FAM168B: variants seen among roughly 807,000 people sequenced by gnomAD.
The protein encoded by FAM168B is myelin-associated neurite-outgrowth inhibitor.
FAM168B carries 19 observed loss-of-function variants against 21.8 expected under a neutral mutation model. The ratio of observed to expected loss-of-function variants is 0.87; its 90% CI spans 0.61 to 1.28. The LOEUF is 1.28. Among genes scored for constraint, FAM168B ranks in the 50% most tolerant of loss-of-function variants. FAM168B has a pLI of 0.00. For missense variants in FAM168B, 233 were observed against 263.1 expected, an observed-to-expected ratio of 0.89 and a Z score of 0.79; for synonymous variants, 126 against 104.8, an observed-to-expected ratio of 1.20 and a Z score of -1.24.
At chr2:131,054,578 G>T (rs1691899563) in intron 5 of FAM168B, among the ~76,000 whole-genome samples, 1 of 152,190 alleles carries the variant, frequency 6.6e-6, no homozygotes, top group East Asian at 1.9e-4. Context: ...AAACAAGGAG[G>T]GAACAGTACG....
intron 3 of FAM168B, among the ~76,000 whole-genome samples, chr2:131,065,026 C>T (rs1040380441): frequency 6.6e-6 from 1 of 152,120 alleles, no homozygotes; most frequent in African/African-American, 2.4e-5. Flanking sequence ...ACAGGATCGC[C>T]GCACAGAAGA....
chr2:131,091,175 C>G (rs893669283), intron 1 of FAM168B, among the ~76,000 whole-genome samples: 1 of 152,064 alleles, frequency 6.6e-6, no homozygotes, highest in Non-Finnish European at 1.5e-5. Flanking sequence ...CCCATCTCTA[C>G]TAAAAACACA....
At chr2:131,086,673 C>T (rs1409484060) in intron 1 of FAM168B, among the ~76,000 whole-genome samples, 2 of 152,136 alleles carry the variant, frequency 1.3e-5, no homozygotes, top group African/African-American at 2.4e-5. Flanking sequence ...TTCAACAGTC[C>T]TATGTAGGTG....
intron 1 of FAM168B, among the ~76,000 whole-genome samples, chr2:131,087,972 G>C (rs1693800478): frequency 6.6e-6 from 1 of 152,160 alleles, no homozygotes; most frequent in Non-Finnish European, 1.5e-5. Flanking sequence ...TTGGCTGGTT[G>C]CAGTGGCTCA....
chr2:131,064,090 C>T (rs1466253908), intron 3 of FAM168B, among the ~76,000 whole-genome samples: 5 of 152,138 alleles, frequency 3.3e-5, no homozygotes, highest in Non-Finnish European at 7.3e-5. Flanking sequence ...ACCCAGGCGG[C>T]GCAGACAACA....
In FAM168B at chr2:131,071,398, T is replaced by A. The variant is rs568761257; in HGVS notation, c.154+457A>T. Among the ~76,000 whole-genome samples, 5 of 152,316 alleles carry A rather than the reference T, an allele frequency of 3.3e-5. No homozygotes were observed. The East Asian group carries it at 9.6e-4, about 29-fold the overall frequency. On this transcript the variant is annotated intron_variant, in intron 3 of 6. Transcript: ENST00000389915. ...CCTCAAGATTCAGACCCAAACCAAT[T>A]CCACTTTTAATATTAACAGTGATTT...
intron 3 of FAM168B, among the ~76,000 whole-genome samples, chr2:131,065,128 C>G (rs1354475631): frequency 1.3e-5 from 2 of 152,122 alleles, no homozygotes; most frequent in Non-Finnish European, 2.9e-5. Context: ...AGCAGTGCCA[C>G]TTTACAAAAA....
chr2:131,049,627 G>T lies in FAM168B; in HGVS notation c.*2838C>A, dbSNP rs1345194763. On this transcript the variant is annotated 3_prime_UTR_variant, in exon 7 of 7. Coordinates refer to ENST00000389915, the MANE Select transcript of FAM168B (RefSeq NM_001009993.4). ...TGAACACACTCCCCAAGCCTCAGGGGAGAAGGTGTAGAACAAATATTTTTT... is the reference window on the plus strand; with the variant it reads ...TGAACACACTCCCCAAGCCTCAGGGTAGAAGGTGTAGAACAAATATTTTTT... 1 of 985,482 alleles carries T rather than the reference G, an allele frequency of 1.0e-6. No homozygotes were observed. The highest frequency in any genetic ancestry group is 1.7e-5 in the African/African-American group (1 of 57,234). The allele number at this position is 985,482 out of a possible 1,614,324, so 61.0% of individuals were successfully genotyped here. A position where few individuals can be genotyped will look rare whatever the true frequency, so the allele number is the denominator to read the frequency against.
At chr2:131,082,364 G>A (rs928677730) in intron 2 of FAM168B, among the ~76,000 whole-genome samples, 1 of 152,188 alleles carries the variant, frequency 6.6e-6, no homozygotes, top group African/African-American at 2.4e-5. Flanking sequence ...AGACCAGGAG[G>A]TAGAGAAACT....
At chr2:131,082,083 C>T (rs1430678149) in intron 2 of FAM168B, among the ~76,000 whole-genome samples, 2 of 152,188 alleles carry the variant, frequency 1.3e-5, no homozygotes, top group Non-Finnish European at 2.9e-5. Flanking sequence ...CCATATTTGA[C>T]TAGCTGACTC....
chr2:131,054,605 A>C (rs1341605486), intron 5 of FAM168B, among the ~76,000 whole-genome samples: 4 of 152,214 alleles, frequency 2.6e-5, no homozygotes, highest in Non-Finnish European at 5.9e-5. Context: ...TGTGGGCATG[A>C]CCTAAAGGTG....
chr2:131,069,398 G>T (rs1692740180), intron 3 of FAM168B, among the ~76,000 whole-genome samples: 1 of 152,058 alleles, frequency 6.6e-6, no homozygotes, highest in Non-Finnish European at 1.5e-5. Flanking sequence ...AACTGCAAAT[G>T]GGTCACAGAC....
At position 131,092,896 on chromosome 2, in the gene FAM168B, C is replaced by A. The variant is rs1490008211; in HGVS notation, c.-12+318G>T. 2.0e-5 allele frequency among the ~76,000 whole-genome samples: 3 copies of A among 152,254 alleles called. No homozygotes were observed. The East Asian group carries it at 5.8e-4, about 29-fold the overall frequency. ...AAATGACTATTGTCACAAAGCTCTGCCCCCGGGTTTCACGCTCGCATTCCT... is the reference window on the plus strand; with the variant it reads ...AAATGACTATTGTCACAAAGCTCTGACCCCGGGTTTCACGCTCGCATTCCT... On this transcript the variant is annotated intron_variant, in intron 1 of 6. Coordinates refer to ENST00000389915, the MANE Select transcript of FAM168B (RefSeq NM_001009993.4).
intron 1 of FAM168B, among the ~76,000 whole-genome samples, chr2:131,083,361 A>C (rs968658873): frequency 6.6e-6 from 1 of 152,150 alleles, no homozygotes; most frequent in Middle Eastern, 3.4e-3. Flanking sequence ...TCAAAAAAAC[A>C]AAACAAAACA....
chr2:131,086,556 C>T (rs1693708912), intron 1 of FAM168B, among the ~76,000 whole-genome samples: 1 of 152,244 alleles, frequency 6.6e-6, no homozygotes, highest in South Asian at 2.1e-4. Context: ...TGATCGTTAT[C>T]ACTGCAGTCC....
At chr2:131,072,333 A>C (rs1692915733) in intron 2 of FAM168B, among the ~76,000 whole-genome samples, 1 of 152,088 alleles carries the variant, frequency 6.6e-6, no homozygotes, top group East Asian at 1.9e-4. Context: ...CACGTTAGCC[A>C]GGCTGGTCTT....
At chr2:131,054,939 G>A (rs943661071) in intron 5 of FAM168B, among the ~76,000 whole-genome samples, 4 of 152,080 alleles carry the variant, frequency 2.6e-5, no homozygotes, top group African/African-American at 9.7e-5. Context: ...AAGGAAGAAG[G>A]CCAGAGCAAC....
chr2:131,054,845 T>C (rs1691919132), intron 5 of FAM168B, among the ~76,000 whole-genome samples: 1 of 152,156 alleles, frequency 6.6e-6, no homozygotes, highest in African/African-American at 2.4e-5. Context: ...GTTTCTTCTA[T>C]CAACGCAAGA....
At chr2:131,060,875 G>A (rs559601768) in intron 3 of FAM168B, among the ~76,000 whole-genome samples, 17 of 151,514 alleles carry the variant, frequency 1.1e-4, no homozygotes, top group Non-Finnish European at 1.8e-4. Flanking sequence ...TTTTTGAGAC[G>A]GAGTCTCGCT....
Sources: gnomAD v4.1 joint callset for allele counts (sites outside exome capture counted in the v4.1 genomes callset) on GRCh38, gnomAD v4.1.1 for gene constraint, MANE v1.5 for transcripts, NCBI Gene and HGNC (gene_info 2026-07-23, HGNC 2026-07-21) for gene names.